Variants in CALCRL observed in about 807,000 individuals in gnomAD.
The protein encoded by CALCRL is calcitonin gene-related peptide type 1 receptor.
CALCRL carries 27 observed loss-of-function variants against 60.4 expected under a neutral mutation model. The ratio of observed to expected loss-of-function variants is 0.45; its 90% CI spans 0.33 to 0.62. CALCRL has a LOEUF of 0.62. CALCRL is among the 20% of genes least tolerant of loss of function. The probability of loss-of-function intolerance (pLI) is 0.03; values close to 1 mark genes in which losing one functional copy is unlikely to be tolerated. For synonymous variants in CALCRL, 190 were observed against 182.6 expected (o/e 1.04, Z -0.33); for missense variants, 424 against 540.7 (o/e 0.78, Z 2.14).
intron 5 of CALCRL, among the ~76,000 whole-genome samples, 196 bp from the exon 6 acceptor site, chr2:187,380,983 A>G (rs1357648595): frequency 6.6e-6 from 1 of 152,054 alleles, no homozygotes. Context: ...ATTAAATTCT[A>G]AATTAAATTT....
chr2:187,355,522 T>A (rs1026585957), intron 12 of CALCRL, among the ~76,000 whole-genome samples: 1 of 152,136 alleles, frequency 6.6e-6, no homozygotes, highest in African/African-American at 2.4e-5. Flanking sequence ...CGCAACCATA[T>A]ACTAAACTGC....
intron 8 of CALCRL, among the ~76,000 whole-genome samples, chr2:187,376,237 T>C (rs1207831319): frequency 6.6e-6 from 1 of 152,130 alleles, no homozygotes; most frequent in Non-Finnish European, 1.5e-5. Context: ...TTTAGTTATA[T>C]TCGTTTTTTT....
chr2:187,350,154 T>C (rs1412463784), intron 14 of CALCRL, among the ~76,000 whole-genome samples: 18 of 151,604 alleles, frequency 1.2e-4, no homozygotes, highest in Admixed American at 1.1e-3. Context: ...TTACAAAATA[T>C]TTTACTAGTG....
At chr2:187,353,102 C>T (rs1686607202) in intron 12 of CALCRL, among the ~76,000 whole-genome samples, 1 of 152,000 alleles carries the variant, frequency 6.6e-6, no homozygotes, top group Non-Finnish European at 1.5e-5. Context: ...CCTACTGAAA[C>T]ATATTTATTT....
intron 1 of CALCRL, among the ~76,000 whole-genome samples, chr2:187,433,931 A>AT (rs1690513213): frequency 6.6e-6 from 1 of 152,048 alleles, no homozygotes; most frequent in African/African-American, 2.4e-5. Flanking sequence ...CTAAGAAATA[A>AT]TTTTTTACAA....
intron 1 of CALCRL, among the ~76,000 whole-genome samples, chr2:187,419,965 T>C (rs1350103420): frequency 6.6e-6 from 1 of 152,220 alleles, no homozygotes; most frequent in Non-Finnish European, 1.5e-5. Context: ...AGCTGGCTCA[T>C]ATACTGACAA....
At chr2:187,436,129 C>A (rs1690634752) in intron 1 of CALCRL, among the ~76,000 whole-genome samples, 1 of 152,038 alleles carries the variant, frequency 6.6e-6, no homozygotes, top group Non-Finnish European at 1.5e-5. Context: ...TAAAGACAAT[C>A]ACTTGATTTA....
At chr2:187,406,548 TGAG>T (rs1280976824) in intron 1 of CALCRL, among the ~76,000 whole-genome samples, 1 of 152,082 alleles carries the variant, frequency 6.6e-6, no homozygotes, top group African/African-American at 2.4e-5. Flanking sequence ...AAGGAAGCAT[TGAG>T]AAGTCTAACT....
Position 187,343,791 on chromosome 2 carries a change from A to G in CALCRL, c.*2393T>C. 6.6e-6 allele frequency: 1 copy of G among 151,626 alleles called. No homozygotes were observed. Among genetic ancestry groups the G allele is most frequent in the Admixed American group, 6.6e-5 (1 of 15,192 alleles). 9.4% of individuals were successfully genotyped at this position (151,626 alleles called of 1,614,324 possible). A position where few individuals can be genotyped will look rare whatever the true frequency, so the allele number is the denominator to read the frequency against. On this transcript the variant is annotated 3_prime_UTR_variant, in exon 15 of 15. Coordinates refer to ENST00000392370, the MANE Select transcript of CALCRL (RefSeq NM_005795.6). ...GTATGATACAAAGATATTAAGTAGC[A>G]TTTAGCTTTTGAGAAATCTAACATT...
At chr2:187,354,732 A>T (rs1686696209) in intron 12 of CALCRL, among the ~76,000 whole-genome samples, 1 of 151,946 alleles carries the variant, frequency 6.6e-6, no homozygotes, top group Admixed American at 6.6e-5. Flanking sequence ...TTTCTTACTG[A>T]CCAGCTTGAT....
At chr2:187,421,024 A>G (rs568011513) in intron 1 of CALCRL, among the ~76,000 whole-genome samples, 5 of 152,328 alleles carry the variant, frequency 3.3e-5, no homozygotes, top group African/African-American at 7.2e-5. Context: ...TGTGCCAGGA[A>G]TAGATTAATC....
chr2:187,380,172 C>T (rs1687926957), intron 7 of CALCRL, among the ~76,000 whole-genome samples: 1 of 152,118 alleles, frequency 6.6e-6, no homozygotes, highest in African/African-American at 2.4e-5. Flanking sequence ...GGAAGATTTT[C>T]CTTTTCTTAC....
intron 1 of CALCRL, among the ~76,000 whole-genome samples, chr2:187,447,070 C>A (rs976768559): frequency 6.6e-6 from 1 of 151,992 alleles, no homozygotes; most frequent in Non-Finnish European, 1.5e-5. Context: ...ATTAAGCAGA[C>A]ATTAGTTTCT....
chr2:187,419,804 T>C (rs1405389631), intron 1 of CALCRL, among the ~76,000 whole-genome samples: 2 of 152,202 alleles, frequency 1.3e-5, no homozygotes, highest in Admixed American at 1.3e-4. Flanking sequence ...CCTTAAATTA[T>C]TTTAGCTAGA....
At chr2:187,362,128 C>T (rs1259433774) in intron 9 of CALCRL, among the ~76,000 whole-genome samples, 1 of 151,976 alleles carries the variant, frequency 6.6e-6, no homozygotes, top group Admixed American at 6.6e-5. Flanking sequence ...TAAGAGCATA[C>T]TGCAGAAAAA....
At chr2:187,421,623 A>T (rs1206490463) in intron 1 of CALCRL, among the ~76,000 whole-genome samples, 3 of 152,262 alleles carry the variant, frequency 2.0e-5, no homozygotes, top group Non-Finnish European at 4.4e-5. Context: ...GGGCTGCCAG[A>T]GTCCTGCTAC....
chr2:187,359,284 A>C lies in CALCRL; in HGVS notation c.782-12T>G. The C allele has an allele frequency of 6.8e-7, 1 of 1,476,600 alleles. No homozygotes were observed. The highest frequency in any genetic ancestry group is 1.4e-5 in the South Asian group (1 of 73,780). The allele number at this position is 1,476,600 out of a possible 1,614,324, so 91.5% of individuals were successfully genotyped here. A position where few individuals can be genotyped will look rare whatever the true frequency, so the allele number is the denominator to read the frequency against. On this transcript the variant is annotated splice_polypyrimidine_tract_variant and intron_variant, in intron 10 of 14. Coordinates refer to ENST00000392370, the MANE Select transcript of CALCRL (RefSeq NM_005795.6). The stretch of plus-strand genomic sequence containing the variant: ...AATCAGTGGAAATCCTGTAATAACA[A>C]AAAAAAAAGAAAATAAATAGGCATT...
In CALCRL at chr2:187,346,087, A is replaced by C. The variant is rs1686256428; in HGVS notation, c.*97T>G. ...AGGCTCTTCTTTATGACATTCAAAAAGTCATTTAATATTGAAGTCTTCTGG... is the reference window on the plus strand; with the variant it reads ...AGGCTCTTCTTTATGACATTCAAAACGTCATTTAATATTGAAGTCTTCTGG... On this transcript the variant is annotated 3_prime_UTR_variant, in exon 15 of 15. Transcript: ENST00000392370. 1 of 693,782 alleles carries C rather than the reference A, an allele frequency of 1.4e-6. No individual in the cohort carries two copies. The highest frequency in any genetic ancestry group is 1.8e-5 in the African/African-American group (1 of 54,952). 43.0% of individuals were successfully genotyped at this position (693,782 alleles called of 1,614,324 possible).
At chr2:187,398,004 C>T (rs16828975) in intron 1 of CALCRL, among the ~76,000 whole-genome samples, 2,978 of 151,666 alleles carry the variant, frequency 0.02, 98 homozygotes, top group African/African-American at 0.067. Flanking sequence ...TACTTACTCA[C>T]GGGACTGATT....
Sources: allele counts gnomAD v4.1 joint callset (sites outside exome capture counted in the v4.1 genomes callset), GRCh38; gene constraint gnomAD v4.1.1; transcripts MANE v1.5; gene names NCBI Gene and HGNC (gene_info 2026-07-23, HGNC 2026-07-21).